Variants in ZNF461 observed in about 807,000 individuals in gnomAD.
ZNF461 encodes the protein zinc finger protein 461.
A neutral mutation model predicts 18.3 loss-of-function variants in ZNF461; 16 were observed. The ratio of observed to expected loss-of-function variants is 0.88; its 90% confidence interval spans 0.59 to 1.33. The LOEUF is 1.33. Among genes scored for constraint, ZNF461 ranks in the 40% most tolerant of loss-of-function variants. ZNF461 has a pLI of 0.00. For synonymous variants in ZNF461, 179 were observed against 216.9 expected, an observed-to-expected ratio of 0.83 and a Z score of 1.54; for missense variants, 595 against 669.9, an observed-to-expected ratio of 0.89 and a Z score of 1.23.
At chr19:36,656,369 T>C (rs977259999) in intron 4 of ZNF461, 79 bp downstream of exon 4, 2 of 1,198,922 alleles carry the variant, frequency 1.7e-6, no homozygotes, top group Admixed American at 3.4e-5. Flanking sequence ...CAAAGTTTGG[T>C]TTAAAATAAA....
At position 36,638,487 on chromosome 19, in the gene ZNF461, CA is replaced by C. The variant is rs1205293515; in HGVS notation, c.*165del. The C allele has an allele frequency of 1.3e-5, 7 of 528,684 alleles. No individual in the cohort carries two copies. In the Admixed American group the frequency reaches 2.1e-4, roughly 16 times the overall value. 32.7% of individuals were successfully genotyped at this position (528,684 alleles called of 1,614,324 possible). A position where few individuals can be genotyped will look rare whatever the true frequency, so the allele number is the denominator to read the frequency against. ...AATGGTTAATACAATAACTCAGAAA[CA>C]GCATTAAAATGAGACCAAAATTTAC... is the stretch of plus-strand genomic sequence containing the variant. On this transcript the variant is annotated 3_prime_UTR_variant, in exon 6 of 6. Transcript: ENST00000588268.
At chr19:36,652,631 C>T (rs536181730) in intron 4 of ZNF461, among the ~76,000 whole-genome samples, 2 of 151,968 alleles carry the variant, frequency 1.3e-5, no homozygotes, top group South Asian at 4.2e-4. Context: ...AAACACAATT[C>T]ATAAGAGAAA....
chr19:36,650,950 G>A (rs1231148458), intron 4 of ZNF461, among the ~76,000 whole-genome samples: 1 of 151,050 alleles, frequency 6.6e-6, no homozygotes, highest in African/African-American at 2.4e-5. Flanking sequence ...TCCTAGAGCT[G>A]GCCGGGCGTG....
At chr19:36,644,030 T>A (rs2037477053) in intron 4 of ZNF461, among the ~76,000 whole-genome samples, 168 bp from the exon 5 acceptor site, 1 of 152,170 alleles carries the variant, frequency 6.6e-6, no homozygotes, top group Non-Finnish European at 1.5e-5. Flanking sequence ...CCTACTGGGT[T>A]CAAGCGATTC....
chr19:36,640,069 C>T (rs753557008), intron 5 of ZNF461, 26 bp from the exon 6 acceptor site: 2 of 1,562,140 alleles, frequency 1.3e-6, no homozygotes, highest in Non-Finnish European at 8.7e-7. Context: ...TATATTTTAA[C>T]TCCTGGTTTT....
At chr19:36,659,482 T>C (rs2037780925) in intron 2 of ZNF461, among the ~76,000 whole-genome samples, 1 of 152,216 alleles carries the variant, frequency 6.6e-6, no homozygotes, top group Non-Finnish European at 1.5e-5. Flanking sequence ...TATATTTCCT[T>C]GGCTGGTCTT....
intron 2 of ZNF461, among the ~76,000 whole-genome samples, chr19:36,663,699 C>T (rs1036065042): frequency 3.3e-5 from 5 of 151,536 alleles, no homozygotes; most frequent in Admixed American, 1.3e-4. Context: ...CTGATTAACA[C>T]AAATTTTTTT....
intron 4 of ZNF461, among the ~76,000 whole-genome samples, chr19:36,655,295 C>G (rs2037696564): frequency 6.6e-6 from 1 of 152,198 alleles, no homozygotes; most frequent in South Asian, 2.1e-4. Context: ...TGAGCCCAGC[C>G]TGAATCTTTT....
intron 4 of ZNF461, among the ~76,000 whole-genome samples, chr19:36,646,870 T>C (rs969431540): frequency 1.4e-4 from 21 of 152,342 alleles, no homozygotes; most frequent in Middle Eastern, 3.4e-3. Context: ...TTTAAATGAA[T>C]TAAATGAATA....
At position 36,637,716 on chromosome 19, in the gene ZNF461, A is replaced by C. The variant is rs2037324034; in HGVS notation, c.*937T>G. 1.2e-4 allele frequency: 39 copies of C among 315,256 alleles called. 1 individual carries two copies. Among genetic ancestry groups the C allele is most frequent in the South Asian group, 9.7e-4 (39 of 40,016 alleles). 19.5% of individuals were successfully genotyped at this position (315,256 alleles called of 1,614,324 possible). A position where few individuals can be genotyped will look rare whatever the true frequency, so the allele number is the denominator to read the frequency against. On this transcript the variant is annotated 3_prime_UTR_variant, in exon 6 of 6. Coordinates refer to ENST00000588268, the MANE Select transcript of ZNF461 (RefSeq NM_153257.5). ...AAAAAATGAAGTAGGCCAAATGTGG[A>C]CTAATAATGAGAATGTGTAATAAAT...
rs550978678 is a variant in ZNF461 at position 36,644,801 on chromosome 19, T to A, written c.233-939A>T. Among the ~76,000 whole-genome samples the A allele has an allele frequency of 4.6e-5, 7 of 152,146 alleles. No individual in the cohort carries two copies. The East Asian group carries it at 1.4e-3, about 30-fold the overall frequency. On this transcript the variant is annotated intron_variant, in intron 4 of 5. Coordinates refer to ENST00000588268, the MANE Select transcript of ZNF461 (RefSeq NM_153257.5). The stretch of plus-strand genomic sequence containing the variant: ...TAGTAGAGACGGGGTTTCACCACGT[T>A]GGTCAGGCTGGTCTTGAACTCCTGG...
At position 36,664,714 on chromosome 19, in the gene ZNF461, T is replaced by C; in HGVS notation, c.-8A>G. 6.7e-7 allele frequency: 1 copy of C among 1,502,366 alleles called. No homozygotes were observed. Among genetic ancestry groups the C allele is most frequent in the Non-Finnish European group, 8.8e-7 (1 of 1,131,550 alleles). The allele number at this position is 1,502,366 out of a possible 1,614,324, so 93.1% of individuals were successfully genotyped here. On this transcript the variant is annotated 5_prime_UTR_variant, in exon 2 of 6. Coordinates refer to ENST00000588268, the MANE Select transcript of ZNF461 (RefSeq NM_153257.5). ...CCAACTTACATGGGCCATGTCTTATTTTAGAATTGAATGTATTATTTAATC... is the reference window on the plus strand; with the variant it reads ...CCAACTTACATGGGCCATGTCTTATCTTAGAATTGAATGTATTATTTAATC...
intron 4 of ZNF461, among the ~76,000 whole-genome samples, chr19:36,645,795 A>AT (rs938902697): frequency 2.6e-5 from 4 of 151,906 alleles, no homozygotes; most frequent in African/African-American, 9.7e-5. Flanking sequence ...TATTTTATTT[A>AT]TTTTTTTGAG....
At chr19:36,644,957 A>C (rs1047828555) in intron 4 of ZNF461, among the ~76,000 whole-genome samples, 2 of 152,040 alleles carry the variant, frequency 1.3e-5, no homozygotes, top group African/African-American at 4.8e-5. Context: ...GGTGGCTCAC[A>C]TCTGTAATCC....
chr19:36,640,038 C>G lies in ZNF461; in HGVS notation c.307G>C (p.Ala103Pro), dbSNP rs578036233. 4.4e-6 allele frequency: 7 copies of G among 1,600,008 alleles called. No individual in the cohort carries two copies. In the African/African-American group the frequency reaches 5.4e-5, roughly 12 times the overall value. Residue 103 changes from alanine to proline, a missense_variant, in exon 6 of 6, where the codon GCA becomes CCA. Ala to Pro is a conservative substitution (Grantham distance 27). Coordinates refer to ENST00000588268, the MANE Select transcript of ZNF461 (RefSeq NM_153257.5). ...AACTTCTGGGGCTCATCTCTGGATG[C>G]CAAGTCTGAAAGATAAGAAATATAT... ...NEATDINADL[A>P]SRDEPQKLSP... is the part of the protein sequence containing the mutation.
At position 36,658,472 on chromosome 19, in the gene ZNF461, T is replaced by C. The variant is rs780375007; in HGVS notation, c.10-47A>G. On this transcript the variant is annotated intron_variant, in intron 2 of 5. Transcript: ENST00000588268. ...CTATTTTTGAAATTATAAGAAATGT[T>C]TTTAAAAAGAAAAGAGAAGTGCTAA... 1.4e-5 allele frequency: 22 copies of C among 1,529,416 alleles called. No individual in the cohort carries two copies. The South Asian group carries it at 2.6e-4, about 18-fold the overall frequency. 94.7% of individuals were successfully genotyped at this position (1,529,416 alleles called of 1,614,324 possible).
At chr19:36,650,526 T>C (rs1301277481) in intron 4 of ZNF461, among the ~76,000 whole-genome samples, 1 of 152,140 alleles carries the variant, frequency 6.6e-6, no homozygotes, top group Non-Finnish European at 1.5e-5. Context: ...TGTGATGTTT[T>C]ACACAACGTC....
intron 3 of ZNF461, 130 bp downstream of exon 3, chr19:36,658,169 G>GA (rs2037756572): frequency 2.1e-6 from 2 of 963,594 alleles, no homozygotes; most frequent in African/African-American, 3.3e-5. Context: ...TACATAAAGA[G>GA]AAAATTCATC....
chr19:36,640,103 C>T, intron 5 of ZNF461, 60 bp from the exon 6 acceptor site: 1 of 1,391,824 alleles, frequency 7.2e-7, no homozygotes, highest in Non-Finnish European at 9.7e-7. Flanking sequence ...AATAAAATAT[C>T]TATGGTAGCA....
Sources: gnomAD v4.1 joint callset for allele counts (sites outside exome capture counted in the v4.1 genomes callset) on GRCh38, gnomAD v4.1.1 for gene constraint, MANE v1.5 for transcripts, NCBI Gene and HGNC (gene_info 2026-07-23, HGNC 2026-07-21) for gene names.